The following ATP8A2 variants were observed in gnomAD, a reference collection of about 807,000 sequenced individuals.
The protein encoded by ATP8A2 is phospholipid-transporting ATPase IB.
A neutral mutation model predicts 165.6 loss-of-function variants in ATP8A2; 100 were observed. The ratio of observed to expected loss-of-function variants is 0.60; its 90% CI spans 0.51 to 0.71. The LOEUF (loss-of-function observed/expected upper bound fraction) is 0.71, where lower values mean the gene tolerates loss of function less well. ATP8A2 is among the 30% of genes least tolerant of loss of function. The probability of loss-of-function intolerance (pLI) is 0.00; values close to 1 mark genes in which losing one functional copy is unlikely to be tolerated. For missense variants in ATP8A2, 1,227 were observed against 1,479.5 expected, an observed-to-expected ratio of 0.83 and a Z score of 2.80; for synonymous variants, 543 against 548.8, an observed-to-expected ratio of 0.99 and a Z score of 0.15.
chr13:25,643,467 G>C (rs1197354234), intron 24 of ATP8A2, among the ~76,000 whole-genome samples: 2 of 152,050 alleles, frequency 1.3e-5, no homozygotes. Flanking sequence ...GTAAGAGACA[G>C]GGTCCAGTTT....
chr13:25,470,892 ATGAAG>A (rs1182300861), intron 2 of ATP8A2, among the ~76,000 whole-genome samples: 1 of 152,216 alleles, frequency 6.6e-6, no homozygotes, highest in East Asian at 1.9e-4. Context: ...TTCCATTTAT[ATGAAG>A]TATCCAGAAG....
At chr13:25,947,362 G>A (rs1189824546) in intron 33 of ATP8A2, among the ~76,000 whole-genome samples, 1 of 152,158 alleles carries the variant, frequency 6.6e-6, no homozygotes, top group Admixed American at 6.5e-5. Context: ...AATAGAGGCT[G>A]GGGACCATGT....
Position 25,890,787 on chromosome 13 carries a change from G to C in ATP8A2, c.3183+28379G>C, listed in dbSNP as rs1304368839. On this transcript the variant is annotated intron_variant, in intron 33 of 36. Coordinates refer to ENST00000381655, the MANE Select transcript of ATP8A2 (RefSeq NM_016529.6). ...GCTAAAGAAAGACCTATGAAATTTA[G>C]CTTTTAAAAACAAAGCTGTGTTTAA... is the stretch of plus-strand genomic sequence containing the variant. 2.0e-5 allele frequency among the ~76,000 whole-genome samples: 3 copies of C among 152,138 alleles called. No individual in the cohort carries two copies. The East Asian group carries it at 5.8e-4, about 29-fold the overall frequency.
rs113524918 is a variant in ATP8A2, at chr13:25,501,529, C to T, written c.222-28470C>T. Among the ~76,000 whole-genome samples, 832 of 152,294 alleles carry T rather than the reference C, an allele frequency of 5.5e-3. 7 individuals are homozygous for T. Among genetic ancestry groups the T allele is most frequent in the African/African-American group, 0.019 (793 of 41,554 alleles). ...TGGTTTGCATGTGAAAGACATATTCCCTGGCAAGTTGTTTGCTATTTCTAG... is the reference window on the plus strand; with the variant it reads ...TGGTTTGCATGTGAAAGACATATTCTCTGGCAAGTTGTTTGCTATTTCTAG... On this transcript the variant is annotated intron_variant, in intron 2 of 36. Coordinates refer to ENST00000381655, the MANE Select transcript of ATP8A2 (RefSeq NM_016529.6).
intron 1 of ATP8A2, 166 bp from the exon 2 acceptor site, chr13:25,468,811 C>G (rs2035747709): frequency 1.4e-5 from 14 of 982,870 alleles, no homozygotes; most frequent in Admixed American, 6.2e-5. Flanking sequence ...TGCCGCGGCA[C>G]AGGCGGCGGC....
chr13:25,889,901 G>A (rs558878836), intron 33 of ATP8A2, among the ~76,000 whole-genome samples: 26 of 152,084 alleles, frequency 1.7e-4, no homozygotes, highest in African/African-American at 4.6e-4. Flanking sequence ...GGTGGTTCAC[G>A]CCTGTAATCC....
chr13:25,421,409 A>G (rs746868392), intron 1 of ATP8A2, among the ~76,000 whole-genome samples: 1 of 152,246 alleles, frequency 6.6e-6, no homozygotes, highest in South Asian at 2.1e-4. Context: ...ATCATAGCTC[A>G]CTGTAGCCTC....
At chr13:25,833,437 G>T (rs1259991276) in intron 28 of ATP8A2, among the ~76,000 whole-genome samples, 1 of 152,042 alleles carries the variant, frequency 6.6e-6, no homozygotes, top group Non-Finnish European at 1.5e-5. Context: ...CATAAAAGTA[G>T]ACTTATTTTT....
chr13:25,794,678 C>T (rs775788274), intron 27 of ATP8A2, among the ~76,000 whole-genome samples: 7 of 152,032 alleles, frequency 4.6e-5, no homozygotes, highest in Non-Finnish European at 1.0e-4. Context: ...TTATTGTATG[C>T]AAACTATATC....
intron 31 of ATP8A2, 37 bp from the exon 32 acceptor site, chr13:25,860,767 G>A: frequency 6.7e-7 from 1 of 1,498,698 alleles, no homozygotes; most frequent in South Asian, 1.2e-5. Context: ...AACTCATTGA[G>A]AATAATGTGT....
chr13:25,535,323 G>C (rs537594366), intron 6 of ATP8A2, among the ~76,000 whole-genome samples: 1 of 152,110 alleles, frequency 6.6e-6, no homozygotes, highest in African/African-American at 2.4e-5. Flanking sequence ...ACGGGTGAGC[G>C]CCAAGAGGCA....
chr13:25,703,717 T>C (rs997757099), intron 25 of ATP8A2, among the ~76,000 whole-genome samples: 5 of 152,302 alleles, frequency 3.3e-5, no homozygotes, highest in Admixed American at 2.0e-4. Flanking sequence ...TCCATTCCTA[T>C]CATATACTCA....
chr13:25,836,284 G>T (rs1951603446), intron 28 of ATP8A2, among the ~76,000 whole-genome samples: 1 of 152,134 alleles, frequency 6.6e-6, no homozygotes. Flanking sequence ...GTTTGGTCAG[G>T]TCTGCTGGGG....
At chr13:25,444,297 T>G (rs2035012916) in intron 1 of ATP8A2, among the ~76,000 whole-genome samples, 1 of 152,236 alleles carries the variant, frequency 6.6e-6, no homozygotes, top group African/African-American at 2.4e-5. Context: ...TCCATTTCCC[T>G]GCTGATGGAT....
intron 25 of ATP8A2, among the ~76,000 whole-genome samples, chr13:25,743,339 TC>T (rs1336983178): frequency 1.3e-5 from 2 of 152,172 alleles, no homozygotes; most frequent in East Asian, 3.9e-4. Flanking sequence ...AACACCTTGA[TC>T]TACACCTCCG....
In ATP8A2 at chr13:25,566,375, G is replaced by A. The variant is rs2039314463; in HGVS notation, c.1473+2344G>A. Among the ~76,000 whole-genome samples the A allele has an allele frequency of 2.0e-5, 3 of 152,042 alleles. No individual in the cohort carries two copies. In the South Asian group the frequency reaches 6.2e-4, roughly 32 times the overall value. Reference sequence around the variant, plus strand: ...GTGGCGCCTCTGAAGAATCGTCTCTGCAGGAAGGTGGTTTTAATCAAAGAT... The same window carrying A: ...GTGGCGCCTCTGAAGAATCGTCTCTACAGGAAGGTGGTTTTAATCAAAGAT... On this transcript the variant is annotated intron_variant, in intron 16 of 36. Transcript: ENST00000381655.
chr13:25,575,059 A>T (rs2039578268), intron 19 of ATP8A2, among the ~76,000 whole-genome samples: 1 of 152,144 alleles, frequency 6.6e-6, no homozygotes, highest in South Asian at 2.1e-4. Context: ...TCTTTGTTTT[A>T]TTCAAGAGAA....
intron 1 of ATP8A2, among the ~76,000 whole-genome samples, chr13:25,463,834 C>A (rs79722176): frequency 6.6e-6 from 1 of 152,134 alleles, no homozygotes; most frequent in Non-Finnish European, 1.5e-5. Context: ...GAGTGTCCCT[C>A]CCCTTCCACC....
chr13:25,638,677 A>G (rs2041434087), intron 24 of ATP8A2, among the ~76,000 whole-genome samples: 1 of 152,158 alleles, frequency 6.6e-6, no homozygotes, highest in Non-Finnish European at 1.5e-5. Flanking sequence ...GTTGGAAAAC[A>G]CTCTGCAGGA....
Sources: gnomAD v4.1 joint callset for allele counts (sites outside exome capture counted in the v4.1 genomes callset) on GRCh38, gnomAD v4.1.1 for gene constraint, MANE v1.5 for transcripts, NCBI Gene and HGNC (gene_info 2026-07-23, HGNC 2026-07-21) for gene names.